Variants in NDUFAF6 observed in about 807,000 individuals in gnomAD.
NDUFAF6 encodes the protein NADH:ubiquinone oxidoreductase complex assembly factor 6, also known as NADH dehydrogenase (ubiquinone) complex I, assembly factor 6.
NDUFAF6 carries 45 observed loss-of-function variants against 40.8 expected under a neutral mutation model. The observed-to-expected ratio is 1.10, with a 90% CI of 0.87 to 1.42. NDUFAF6 has a LOEUF of 1.42. Among genes scored for constraint, NDUFAF6 ranks in the 40% most tolerant of loss-of-function variants. The probability of loss-of-function intolerance (pLI) is 0.00; values close to 1 mark genes in which losing one functional copy is unlikely to be tolerated. For missense variants in NDUFAF6, 435 were observed against 418.5 expected, an observed-to-expected ratio of 1.04 and a Z score of -0.34; for synonymous variants, 185 against 155.9, an observed-to-expected ratio of 1.19 and a Z score of -1.39.
intron 1 of NDUFAF6, among the ~76,000 whole-genome samples, chr8:94,923,061 G>A (rs1819613846): frequency 6.6e-6 from 1 of 152,146 alleles, no homozygotes; most frequent in African/African-American, 2.4e-5. Context: ...AGCAGAACAG[G>A]CATGTCGGAA....
chr8:95,026,563 CA>C (rs964213433), intron 1 of NDUFAF6, among the ~76,000 whole-genome samples: 1 of 151,250 alleles, frequency 6.6e-6, no homozygotes, highest in Non-Finnish European at 1.5e-5. Flanking sequence ...TTGTAAAAGC[CA>C]AAAAAAATTG....
At chr8:95,099,623 G>C (rs76508127), upstream of NDUFAF6, among the ~76,000 whole-genome samples, 94 of 152,122 alleles carry the variant, frequency 6.2e-4, no homozygotes, top group Non-Finnish European at 1.1e-3. Context: ...ATAAACAAAG[G>C]ATTCCTAGTG....
intron 1 of NDUFAF6, among the ~76,000 whole-genome samples, chr8:94,960,140 C>T (rs972251057): frequency 6.6e-6 from 1 of 152,194 alleles, no homozygotes; most frequent in Non-Finnish European, 1.5e-5. Flanking sequence ...CAGATCTTTG[C>T]CTTAAAAACA....
At chr8:94,912,179 A>G (rs1477590495) in intron 1 of NDUFAF6, among the ~76,000 whole-genome samples, 2 of 152,230 alleles carry the variant, frequency 1.3e-5, no homozygotes, top group African/African-American at 2.4e-5. Flanking sequence ...GCCTTTAGTT[A>G]GAAATATACA....
chr8:95,053,272 A>G (rs753783700), intron 8 of NDUFAF6, among the ~76,000 whole-genome samples: 2 of 152,190 alleles, frequency 1.3e-5, no homozygotes, highest in African/African-American at 4.8e-5. Context: ...TCACAATTCT[A>G]CCGTATCTAG....
intron 2 of NDUFAF6, among the ~76,000 whole-genome samples, chr8:94,991,580 A>C (rs527910018): frequency 6.6e-5 from 10 of 152,332 alleles, no homozygotes; most frequent in African/African-American, 2.2e-4. Context: ...GAATAATCCC[A>C]TACCTGTCCC....
At chr8:94,956,009 G>T (rs1431300434), upstream of NDUFAF6, among the ~76,000 whole-genome samples, 1 of 152,186 alleles carries the variant, frequency 6.6e-6, no homozygotes, top group Non-Finnish European at 1.5e-5. Context: ...TTTAAAGTGA[G>T]AAGCAGCTGA....
chr8:94,987,715 T>C (rs1000996735), intron 2 of NDUFAF6, among the ~76,000 whole-genome samples: 1 of 152,096 alleles, frequency 6.6e-6, no homozygotes, highest in African/African-American at 2.4e-5. Context: ...AGAGGAAAGC[T>C]GGAGACAAAA....
chr8:94,957,408 G>A (rs191004827), upstream of NDUFAF6, among the ~76,000 whole-genome samples: 17 of 152,288 alleles, frequency 1.1e-4, no homozygotes, highest in Admixed American at 9.8e-4. Context: ...TGAAAGCTGG[G>A]CCCAGGGCTC....
intron 4 of NDUFAF6, among the ~76,000 whole-genome samples, chr8:95,043,757 A>T (rs1388758692): frequency 6.6e-6 from 1 of 152,242 alleles, no homozygotes; most frequent in Non-Finnish European, 1.5e-5. Context: ...GAACAGGGAG[A>T]TGTTAAAACC....
At chr8:95,074,704 G>A (rs925589119) in intron 9 of NDUFAF6, among the ~76,000 whole-genome samples, 2 of 151,998 alleles carry the variant, frequency 1.3e-5, no homozygotes, top group African/African-American at 4.8e-5. Flanking sequence ...TGGATTCCTT[G>A]TTCACTGTTT....
At chr8:94,930,779 C>A in intron 1 of NDUFAF6, 1 of 1,577,540 alleles carries the variant, frequency 6.3e-7, no homozygotes. Context: ...ATGTTATTAA[C>A]AAAACTGGAA....
chr8:95,019,240 C>T (rs941029226), intron 2 of NDUFAF6, among the ~76,000 whole-genome samples: 1 of 152,206 alleles, frequency 6.6e-6, no homozygotes, highest in Non-Finnish European at 1.5e-5. Context: ...AAACTCCTGG[C>T]CTCAAGTGAT....
chr8:95,048,349 C>T, intron 6 of NDUFAF6, 108 bp from the exon 7 acceptor site: 1 of 794,670 alleles, frequency 1.3e-6, no homozygotes, highest in Non-Finnish European at 2.2e-6. Context: ...GTCACGTGTT[C>T]TCTTGTGCTA....
At chr8:94,907,100 A>G (rs1300895495) in intron 1 of NDUFAF6, among the ~76,000 whole-genome samples, 1 of 152,214 alleles carries the variant, frequency 6.6e-6, no homozygotes, top group Non-Finnish European at 1.5e-5. Flanking sequence ...AATGTCTTGC[A>G]GTGTGGCCAG....
rs151175867 is a variant in NDUFAF6 at position 94,986,094 on chromosome 8, C to T, written c.-84+5121C>T. ...TTCACCGTGTTAACCAGGATGGTCT[C>T]GATCTCCTGACCTCGTGATCTGCCT... is the stretch of plus-strand genomic sequence containing the variant. On this transcript the variant is annotated intron_variant, in intron 2 of 9. Transcript: ENST00000396111. Among the ~76,000 whole-genome samples, 256 of 152,082 alleles carry T rather than the reference C, an allele frequency of 1.7e-3. 4 individuals are homozygous for T. The East Asian group carries it at 0.028, about 17-fold the overall frequency.
intron 1 of NDUFAF6, among the ~76,000 whole-genome samples, chr8:94,900,469 G>A (rs982191645): frequency 1.3e-5 from 2 of 152,188 alleles, no homozygotes; most frequent in Non-Finnish European, 2.9e-5. Context: ...ACCTCAGAGG[G>A]AGGGCCCTTA....
intron 1 of NDUFAF6, among the ~76,000 whole-genome samples, chr8:94,897,353 T>C (rs904666186): frequency 1.3e-5 from 2 of 152,202 alleles, no homozygotes; most frequent in Admixed American, 1.3e-4. Context: ...GACGTCTTTG[T>C]GTGGAAAGGA....
At chr8:94,910,508 T>C (rs1305730463) in intron 1 of NDUFAF6, among the ~76,000 whole-genome samples, 1 of 152,188 alleles carries the variant, frequency 6.6e-6, no homozygotes, top group Non-Finnish European at 1.5e-5. Flanking sequence ...TAATAACCCA[T>C]TTCTTTCTCT....
Sources: allele counts gnomAD v4.1 joint callset (sites outside exome capture counted in the v4.1 genomes callset), GRCh38; gene constraint gnomAD v4.1.1; transcripts MANE v1.5; gene names NCBI Gene and HGNC (gene_info 2026-07-23, HGNC 2026-07-21).